Variants in MTUS2 observed in about 807,000 individuals in gnomAD.
MTUS2 encodes microtubule associated scaffold protein 2.
MTUS2 carries 40 observed loss-of-function variants against 114.1 expected under a neutral mutation model. The observed-to-expected ratio is 0.35, with a 90% confidence interval of 0.27 to 0.46. The LOEUF (loss-of-function observed/expected upper bound fraction) is 0.46. MTUS2 is among the 20% of genes least tolerant of loss of function. The probability of loss-of-function intolerance (pLI) is 1.00; values close to 1 mark genes in which losing one functional copy is unlikely to be tolerated. For synonymous variants in MTUS2, 688 were observed against 672.0 expected (o/e 1.02, Z -0.37); for missense variants, 1,679 against 1,705.4 (o/e 0.98, Z 0.27).
chr13:28,878,310 C>T (rs1283485474), intron 2 of MTUS2, among the ~76,000 whole-genome samples: 3 of 151,854 alleles, frequency 2.0e-5, no homozygotes, highest in Admixed American at 6.6e-5. Flanking sequence ...CACACATACA[C>T]ACACATATAC....
At chr13:28,942,099 A>AC (rs746494948) in intron 2 of MTUS2, among the ~76,000 whole-genome samples, 62 of 152,352 alleles carry the variant, frequency 4.1e-4, no homozygotes, top group Non-Finnish European at 8.1e-4. Flanking sequence ...CATGAAAGTA[A>AC]CAAAGATCTT....
At chr13:29,383,012 CGAGGTTGTAGATT>C (rs1294499781) in intron 8 of MTUS2, among the ~76,000 whole-genome samples, 1 of 152,014 alleles carries the variant, frequency 6.6e-6, no homozygotes, top group Non-Finnish European at 1.5e-5. Context: ...GGGGACGCAG[CGAGGTTGTAGATT>C]GAGTGTAGAT....
At chr13:29,110,698 G>A (rs990021273) in intron 5 of MTUS2, among the ~76,000 whole-genome samples, 2 of 151,626 alleles carry the variant, frequency 1.3e-5, no homozygotes, top group African/African-American at 2.4e-5. Flanking sequence ...TTTGAGCATT[G>A]CCTTTAAGTG....
At chr13:29,195,679 C>T (rs1169240714) in intron 5 of MTUS2, among the ~76,000 whole-genome samples, 2 of 152,066 alleles carry the variant, frequency 1.3e-5, no homozygotes, top group Non-Finnish European at 2.9e-5. Context: ...GAAGGGCGCC[C>T]CACCCAGCCT....
At chr13:29,039,294 C>T (rs567068538) in intron 4 of MTUS2, among the ~76,000 whole-genome samples, 105 of 152,242 alleles carry the variant, frequency 6.9e-4, no homozygotes, top group Non-Finnish European at 8.4e-4. Context: ...CTTAGAAATT[C>T]GGCTTCCAGA....
intron 11 of MTUS2, among the ~76,000 whole-genome samples, chr13:29,489,006 C>T (rs1314479406): frequency 6.6e-6 from 1 of 152,102 alleles, no homozygotes; most frequent in Non-Finnish European, 1.5e-5. Flanking sequence ...TATTAAAGGC[C>T]GGGAGCCGTG....
intron 7 of MTUS2, among the ~76,000 whole-genome samples, chr13:29,336,466 C>T (rs541029286): frequency 2.1e-3 from 313 of 152,300 alleles, no homozygotes; most frequent in African/African-American, 7.0e-3. Context: ...GTATCACGAG[C>T]GGAGGCTGCA....
intron 7 of MTUS2, among the ~76,000 whole-genome samples, chr13:29,354,628 A>G (rs999638985): frequency 1.3e-5 from 2 of 152,176 alleles, no homozygotes; most frequent in African/African-American, 2.4e-5. Flanking sequence ...TTGCTCCTAC[A>G]GGGCATACTT....
At chr13:28,841,686 G>GT (rs1029229213) in intron 2 of MTUS2, among the ~76,000 whole-genome samples, 23 of 149,090 alleles carry the variant, frequency 1.5e-4, no homozygotes, top group Non-Finnish European at 2.5e-4. Flanking sequence ...GTTTTTTTTT[G>GT]TTTTTTTGTT....
At chr13:29,189,762 T>C (rs1894371685) in intron 5 of MTUS2, among the ~76,000 whole-genome samples, 1 of 152,176 alleles carries the variant, frequency 6.6e-6, no homozygotes, top group African/African-American at 2.4e-5. Flanking sequence ...GGCCTCAAAG[T>C]TTCTTCCATG....
chr13:28,896,711 C>T (rs1466310897), intron 2 of MTUS2, among the ~76,000 whole-genome samples: 1 of 152,100 alleles, frequency 6.6e-6, no homozygotes, highest in African/African-American at 2.4e-5. Context: ...GAGATATAGA[C>T]CAATGGAACA....
At chr13:29,290,203 T>A (rs1436167538) in intron 6 of MTUS2, among the ~76,000 whole-genome samples, 1 of 152,224 alleles carries the variant, frequency 6.6e-6, no homozygotes, top group Admixed American at 6.5e-5. Flanking sequence ...CCCATAATAT[T>A]TACTTACCAG....
chr13:29,351,075 A>G (rs1227926260), intron 7 of MTUS2, among the ~76,000 whole-genome samples: 1 of 151,600 alleles, frequency 6.6e-6, no homozygotes, highest in East Asian at 1.9e-4. Flanking sequence ...TTGCCACCAC[A>G]GGTGGAAGTG....
chr13:29,104,868 A>G (rs1394911043), intron 5 of MTUS2, among the ~76,000 whole-genome samples: 1 of 152,188 alleles, frequency 6.6e-6, no homozygotes, highest in Non-Finnish European at 1.5e-5. Flanking sequence ...TAGTTCTTTT[A>G]TAATGTTCAG....
intron 5 of MTUS2, among the ~76,000 whole-genome samples, chr13:29,200,113 A>G (rs1894879424): frequency 6.6e-6 from 1 of 151,170 alleles, no homozygotes; most frequent in Non-Finnish European, 1.5e-5. Context: ...TGGTCTGTCT[A>G]TTTTATTAAT....
chr13:29,033,554 T>C (rs1886924014), intron 3 of MTUS2, among the ~76,000 whole-genome samples: 1 of 152,122 alleles, frequency 6.6e-6, no homozygotes, highest in South Asian at 2.1e-4. Context: ...ATGCTTTCTT[T>C]GCTTTATTGA....
intron 6 of MTUS2, among the ~76,000 whole-genome samples, chr13:29,286,895 T>A (rs1898514991): frequency 6.6e-6 from 1 of 152,182 alleles, no homozygotes; most frequent in African/African-American, 2.4e-5. Flanking sequence ...TTCATCATGT[T>A]AGCTAGGCTG....
intron 2 of MTUS2, among the ~76,000 whole-genome samples, chr13:28,882,901 C>A (rs569179651): frequency 6.6e-6 from 1 of 152,096 alleles, no homozygotes; most frequent in Non-Finnish European, 1.5e-5. Flanking sequence ...GTAATCCATA[C>A]GTCCAAAAAT....
chr13:29,338,449 G>A (rs972057537), intron 7 of MTUS2, among the ~76,000 whole-genome samples: 7 of 152,042 alleles, frequency 4.6e-5, no homozygotes, highest in Non-Finnish European at 8.8e-5. Context: ...AATTAGCTGG[G>A]CGTGGCGGCG....
Sources: gnomAD v4.1 joint callset for allele counts (sites outside exome capture counted in the v4.1 genomes callset) on GRCh38, gnomAD v4.1.1 for gene constraint, MANE v1.5 for transcripts, NCBI Gene and HGNC (gene_info 2026-07-23, HGNC 2026-07-21) for gene names.